The following KAT6B variants were observed in gnomAD, a reference collection of about 807,000 sequenced individuals.
KAT6B encodes histone acetyltransferase KAT6B.
A neutral mutation model predicts 187.5 loss-of-function variants in KAT6B; 10 were observed. The ratio of observed to expected loss-of-function variants is 0.05; its 90% CI spans 0.03 to 0.09. The LOEUF (loss-of-function observed/expected upper bound fraction) is 0.09. Among genes scored for constraint, KAT6B ranks in the 10% least tolerant of loss-of-function variants. The pLI is 1.00. For synonymous variants in KAT6B, 861 were observed against 926.8 expected, an observed-to-expected ratio of 0.93 and a Z score of 1.29; for missense variants, 1,952 against 2,558.9, an observed-to-expected ratio of 0.76 and a Z score of 5.12.
At chr10:74,969,003 C>G (rs1841675851) in intron 4 of KAT6B, among the ~76,000 whole-genome samples, 1 of 152,094 alleles carries the variant, frequency 6.6e-6, no homozygotes, top group African/African-American at 2.4e-5. Context: ...CTTGGTGGGT[C>G]CTGTTTAACC....
intron 3 of KAT6B, among the ~76,000 whole-genome samples, chr10:74,943,006 A>G (rs973746882): frequency 2.6e-5 from 4 of 152,160 alleles, no homozygotes; most frequent in African/African-American, 4.8e-5. Context: ...TACTAATACT[A>G]TGTCTTACAG....
chr10:75,020,843 G>T, intron 14 of KAT6B, 30 bp downstream of exon 14: 1 of 1,580,638 alleles, frequency 6.3e-7, no homozygotes. Context: ...GCAGCTCCGT[G>T]GCTCAGGCAT....
At chr10:74,961,518 T>C (rs551562153) in intron 4 of KAT6B, among the ~76,000 whole-genome samples, 54 of 152,226 alleles carry the variant, frequency 3.5e-4, no homozygotes, top group Non-Finnish European at 6.6e-4. Flanking sequence ...TCCCTTCATA[T>C]ATTTCCTTAC....
intron 4 of KAT6B, among the ~76,000 whole-genome samples, chr10:74,966,152 C>A (rs996693901): frequency 6.6e-6 from 1 of 152,174 alleles, no homozygotes; most frequent in Non-Finnish European, 1.5e-5. Context: ...GGCTTGCAGC[C>A]CCCTCCCCAT....
chr10:74,937,736 A>AAATGCTTACCAGAATATCTGTT (rs1849364938), intron 3 of KAT6B, among the ~76,000 whole-genome samples: 1 of 152,226 alleles, frequency 6.6e-6, no homozygotes, highest in Admixed American at 6.5e-5. Flanking sequence ...ATCATTAACT[A>AAATGCTTACCAGAATATCTGTT]AATGCTTACC....
Position 74,976,235 on chromosome 10 carries a change from G to C in KAT6B, c.1898G>C (p.Gly633Ala), listed in dbSNP as rs1253563442. The C allele has an allele frequency of 1.9e-6, 3 of 1,613,930 alleles. No homozygotes were observed. In the South Asian group the frequency reaches 3.3e-5, roughly 18 times the overall value. The part of the protein sequence containing the change: ...TTFLKKHRML[G>A]RLKYKVTPQM... ...TTCCTTAAAAAGCACAGGATGCTAG[G>C]CAGATTAAAATATAAAGTGACCCCT... Residue 633 changes from glycine (G) to alanine (A), a missense_variant, in exon 8 of 18, where the codon GGC becomes GCC. Gly to Ala is a moderately conservative substitution (Grantham distance 60). Transcript: ENST00000287239.
intron 3 of KAT6B, among the ~76,000 whole-genome samples, chr10:74,862,264 G>A (rs1184116397): frequency 6.6e-6 from 1 of 152,144 alleles, no homozygotes; most frequent in East Asian, 1.9e-4. Flanking sequence ...CAAGTCCAGG[G>A]TTTTAAGGCT....
intron 3 of KAT6B, among the ~76,000 whole-genome samples, chr10:74,932,386 A>T (rs1346812615): frequency 2.0e-5 from 3 of 152,182 alleles, no homozygotes; most frequent in Non-Finnish European, 4.4e-5. Flanking sequence ...CACGACCAGA[A>T]AATGATAGAG....
intron 1 of KAT6B, among the ~76,000 whole-genome samples, chr10:74,827,948 C>T (rs1226759567): frequency 6.6e-6 from 1 of 152,042 alleles, no homozygotes. Flanking sequence ...TGAGCTATGG[C>T]GACCCGTGAT....
chr10:74,997,318 G>A (rs750129581), intron 13 of KAT6B, among the ~76,000 whole-genome samples: 10 of 147,250 alleles, frequency 6.8e-5, no homozygotes, highest in Non-Finnish European at 1.5e-4. Context: ...TACAGAAAAG[G>A]AAAATCACTG....
intron 3 of KAT6B, among the ~76,000 whole-genome samples, chr10:74,900,831 G>A (rs1846334689): frequency 6.6e-6 from 1 of 152,126 alleles, no homozygotes; most frequent in African/African-American, 2.4e-5. Flanking sequence ...GGGGGAGTGG[G>A]GGTTAAACAG....
intron 6 of KAT6B, 143 bp downstream of exon 6, chr10:74,970,244 A>G: frequency 4.5e-6 from 3 of 669,032 alleles, no homozygotes; most frequent in Non-Finnish European, 8.1e-6. Flanking sequence ...AGTTTAGCAC[A>G]GGTTGTGAAT....
intron 3 of KAT6B, among the ~76,000 whole-genome samples, chr10:74,923,434 T>C (rs1461356185): frequency 2.0e-5 from 3 of 152,196 alleles, no homozygotes; most frequent in Non-Finnish European, 2.9e-5. Flanking sequence ...GTATATAGCA[T>C]GTCAGCTGTG....
At chr10:75,028,184 T>A (rs76119508) in intron 17 of KAT6B, among the ~76,000 whole-genome samples, 1 of 152,204 alleles carries the variant, frequency 6.6e-6, no homozygotes, top group Non-Finnish European at 1.5e-5. Flanking sequence ...TTTTTTTTTT[T>A]ACACTGTGGA....
At position 74,832,351 on chromosome 10, in the gene KAT6B, G is replaced by A. The variant is rs115683599; in HGVS notation, c.-329+5566G>A. Among the ~76,000 whole-genome samples the A allele has an allele frequency of 9.0e-3, 1,370 of 152,242 alleles. 21 individuals carry two copies. The highest frequency in any genetic ancestry group is 0.032 in the African/African-American group (1,311 of 41,538). ...GATGTCAGATTTTTCTCAGCCAGGT[G>A]CAGTGGCTCATGCCTGTAATCCCAC... On this transcript the variant is annotated intron_variant, in intron 1 of 17. Transcript: ENST00000287239.
rs1564626318 is a variant in KAT6B at position 75,022,111 on chromosome 10, GGAA to G, written c.3258_3260del (p.Glu1089del). 3 of 1,600,540 alleles carry G rather than the reference GGAA, an allele frequency of 1.9e-6. No individual in the cohort carries two copies. Among genetic ancestry groups the G allele is most frequent in the East Asian group, 2.2e-5 (1 of 44,722 alleles). On this transcript the variant is annotated inframe_deletion, in exon 16 of 18. Coordinates refer to ENST00000287239, the MANE Select transcript of KAT6B (RefSeq NM_012330.4). ...AGGACGAGGAGGAGGAAGAAGAGGA[GGAA>G]GAAGAGGAAGAGGATGAAGAGGAGG...
intron 13 of KAT6B, among the ~76,000 whole-genome samples, chr10:74,994,887 C>G (rs1353771072): frequency 6.6e-6 from 1 of 151,948 alleles, no homozygotes; most frequent in Non-Finnish European, 1.5e-5. Context: ...GCTTCTAGCC[C>G]TCTCAGAGGA....
intron 3 of KAT6B, among the ~76,000 whole-genome samples, chr10:74,923,438 A>G (rs1478437235): frequency 6.6e-6 from 1 of 152,220 alleles, no homozygotes; most frequent in Non-Finnish European, 1.5e-5. Context: ...ATAGCATGTC[A>G]GCTGTGAGAA....
intron 2 of KAT6B, among the ~76,000 whole-genome samples, chr10:74,839,394 C>G (rs1044544091): frequency 2.0e-5 from 3 of 151,770 alleles, no homozygotes; most frequent in African/African-American, 7.3e-5. Flanking sequence ...CCATGCTTGG[C>G]TAATTTTTTG....
Sources: gnomAD v4.1 joint callset for allele counts (sites outside exome capture counted in the v4.1 genomes callset) on GRCh38, gnomAD v4.1.1 for gene constraint, MANE v1.5 for transcripts, NCBI Gene and HGNC (gene_info 2026-07-23, HGNC 2026-07-21) for gene names.